The following PCBP3 variants were observed in gnomAD, a reference collection of about 807,000 sequenced individuals.
The protein encoded by PCBP3 is poly(rC) binding protein 3.
Under a neutral mutation model 52.7 loss-of-function variants are expected in PCBP3, and 25 were observed. That is an observed-to-expected ratio of 0.47 (90% CI 0.35 to 0.66). PCBP3 has a LOEUF of 0.66. Ranked by LOEUF, PCBP3 falls within the 30% of genes least tolerant of loss-of-function variation. The pLI, the probability that PCBP3 is intolerant of heterozygous loss-of-function variation, is 0.01. For missense variants in PCBP3, 391 were observed against 490.3 expected (o/e 0.80, Z 1.91); for synonymous variants, 162 against 183.0 (o/e 0.89, Z 0.93).
chr21:45,669,817 A>ATC (rs2081056098), intron 2 of PCBP3, among the ~76,000 whole-genome samples: 1 of 113,136 alleles, frequency 8.8e-6, no homozygotes, highest in Non-Finnish European at 1.8e-5. Context: ...ATATATATAT[A>ATC]TATATATATA....
intron 5 of PCBP3, among the ~76,000 whole-genome samples, chr21:45,860,742 C>T (rs1046388887): frequency 9.8e-5 from 15 of 152,350 alleles, no homozygotes; most frequent in Admixed American, 2.6e-4. Flanking sequence ...CCCTTCCTTA[C>T]ACAGGCAGTT....
intron 4 of PCBP3, among the ~76,000 whole-genome samples, chr21:45,774,284 G>A (rs2145877642): frequency 6.6e-6 from 1 of 151,596 alleles, no homozygotes; most frequent in Middle Eastern, 3.4e-3. Context: ...GTGCGTGCCT[G>A]TAATCCCAGC....
chr21:45,659,708 C>T (rs1193596087), intron 1 of PCBP3, among the ~76,000 whole-genome samples: 3 of 152,062 alleles, frequency 2.0e-5, no homozygotes, highest in African/African-American at 7.2e-5. Flanking sequence ...TCCCTTGACT[C>T]TGGTTATTTA....
At chr21:45,888,221 G>A (rs1414091526) in intron 5 of PCBP3, among the ~76,000 whole-genome samples, 2 of 152,190 alleles carry the variant, frequency 1.3e-5, no homozygotes, top group African/African-American at 2.4e-5. Context: ...TTCTGTTACT[G>A]TAATAATGAC....
At chr21:45,700,327 G>A (rs575527994) in intron 2 of PCBP3, among the ~76,000 whole-genome samples, 2 of 152,318 alleles carry the variant, frequency 1.3e-5, no homozygotes, top group African/African-American at 4.8e-5. Flanking sequence ...TAGTCTTACG[G>A]TTTAAGGAAT....
At chr21:45,784,084 T>G (rs1226236951) in intron 4 of PCBP3, among the ~76,000 whole-genome samples, 1 of 152,214 alleles carries the variant, frequency 6.6e-6, no homozygotes, top group Non-Finnish European at 1.5e-5. Flanking sequence ...AAGAGCCCCT[T>G]GTCTACCTTG....
intron 4 of PCBP3, among the ~76,000 whole-genome samples, chr21:45,833,722 C>T (rs2093510823): frequency 6.6e-6 from 1 of 152,152 alleles, no homozygotes; most frequent in African/African-American, 2.4e-5. Context: ...GCCTAAGGGG[C>T]TAAGAGCTCT....
intron 13 of PCBP3, chr21:45,918,905 C>T (rs402355): frequency 0.19 from 28,322 of 148,930 alleles, 3,542 homozygotes; most frequent in Non-Finnish European, 0.27. Flanking sequence ...TCAGATAAAC[C>T]GTCGGTGTAA....
chr21:45,652,152 A>G (rs1284720609), intron 1 of PCBP3, among the ~76,000 whole-genome samples: 2 of 152,194 alleles, frequency 1.3e-5, no homozygotes, highest in Admixed American at 6.5e-5. Flanking sequence ...GTATCCTTAT[A>G]TTATTCAGAC....
intron 2 of PCBP3, among the ~76,000 whole-genome samples, chr21:45,710,518 G>A (rs2083762467): frequency 1.3e-5 from 2 of 152,170 alleles, no homozygotes; most frequent in Admixed American, 1.3e-4. Context: ...GTATTCCATG[G>A]TGTATATGTG....
At chr21:45,909,764 CCCCCCCACCCACTGCCCAGATA>C (rs1177153292) in intron 10 of PCBP3, among the ~76,000 whole-genome samples, 3 of 119,836 alleles carry the variant, frequency 2.5e-5, no homozygotes, top group African/African-American at 9.7e-5. Context: ...AGATACGGAC[CCCCCCCACCCACTGCCCAGATA>C]CGGACCCCCC....
chr21:45,712,832 T>G (rs2083934953), intron 2 of PCBP3, among the ~76,000 whole-genome samples: 1 of 152,050 alleles, frequency 6.6e-6, no homozygotes, highest in Non-Finnish European at 1.5e-5. Flanking sequence ...GCCTCCTGAG[T>G]AGTTGGGACC....
At chr21:45,757,577 A>G (rs1315404490) in intron 4 of PCBP3, among the ~76,000 whole-genome samples, 3 of 152,200 alleles carry the variant, frequency 2.0e-5, no homozygotes, top group African/African-American at 7.2e-5. Context: ...CAGTTAAGTC[A>G]TAGCTAAGAA....
intron 3 of PCBP3, among the ~76,000 whole-genome samples, chr21:45,743,041 A>G (rs1344413891): frequency 6.6e-6 from 1 of 152,202 alleles, no homozygotes; most frequent in Non-Finnish European, 1.5e-5. Context: ...ATAGTTTCCT[A>G]TATAGAAAGG....
intron 1 of PCBP3, among the ~76,000 whole-genome samples, chr21:45,668,658 G>A (rs1312101519): frequency 6.6e-6 from 1 of 151,960 alleles, no homozygotes; most frequent in Non-Finnish European, 1.5e-5. Context: ...TTTAAGAAAT[G>A]TTCTCCAGAT....
intron 2 of PCBP3, among the ~76,000 whole-genome samples, chr21:45,702,444 C>T (rs1176482492): frequency 2.0e-5 from 3 of 152,060 alleles, no homozygotes; most frequent in Admixed American, 6.5e-5. Context: ...TCCAGACCAC[C>T]ACAATAAAGC....
At chr21:45,894,579 A>G (rs2095774140) in intron 5 of PCBP3, among the ~76,000 whole-genome samples, 1 of 152,230 alleles carries the variant, frequency 6.6e-6, no homozygotes, top group African/African-American at 2.4e-5. Context: ...CGAATGCACT[A>G]CTTAGAATGA....
At chr21:45,824,481 T>C (rs1316117913) in intron 4 of PCBP3, among the ~76,000 whole-genome samples, 1 of 152,244 alleles carries the variant, frequency 6.6e-6, no homozygotes, top group East Asian at 1.9e-4. Context: ...GCATTCCCTA[T>C]GTCCTCTAAA....
intron 4 of PCBP3, among the ~76,000 whole-genome samples, chr21:45,822,615 C>T (rs1412653986): frequency 1.4e-5 from 2 of 141,634 alleles, no homozygotes; most frequent in African/African-American, 6.1e-5. Flanking sequence ...CAGGATAGGG[C>T]CAGGAGAGCA....
Sources: allele counts gnomAD v4.1 joint callset (sites outside exome capture counted in the v4.1 genomes callset), GRCh38; gene constraint gnomAD v4.1.1; transcripts MANE v1.5; gene names NCBI Gene and HGNC (gene_info 2026-07-23, HGNC 2026-07-21).